The following MYH14 variants were observed in gnomAD, a reference collection of about 807,000 sequenced individuals.
The protein encoded by MYH14 is myosin heavy chain 14.
In MYH14, 123 loss-of-function variants were observed where a neutral mutation model predicts 255.5. The observed-to-expected ratio is 0.48, with a 90% CI of 0.42 to 0.56. The LOEUF (loss-of-function observed/expected upper bound fraction) is 0.56. MYH14 is among the 20% of genes least tolerant of loss of function. The pLI, the probability that MYH14 is intolerant of heterozygous loss-of-function variation, is 0.00. For synonymous variants in MYH14, 1,095 were observed against 1,161.2 expected (o/e 0.94, Z 1.16); for missense variants, 2,423 against 2,802.3 (o/e 0.86, Z 3.06).
In MYH14 at chr19:50,223,107, G is replaced by T; in HGVS notation, c.587G>T (p.Cys196Phe). The change falls in exon 4 of 43, where the codon TGC becomes TTC. Residue 196 changes from cysteine to phenylalanine, a missense_variant. Coordinates refer to ENST00000642316, the MANE Select transcript of MYH14 (RefSeq NM_001145809.2). The part of the protein sequence containing the change: ...LQDREDQSIL[C>F]TGESGAGKTE... ...GATCGTGAGGACCAGTCCATTCTCT[G>T]CACGTGAGTAATCTGGAAGGACTTC... 2 of 1,613,780 alleles carry T rather than the reference G, an allele frequency of 1.2e-6. No individual in the cohort carries two copies. Among genetic ancestry groups the T allele is most frequent in the Non-Finnish European group, 8.5e-7 (1 of 1,179,668 alleles).
At chr19:50,273,599 GGGGTGT>G (rs1555772379) in intron 27 of MYH14, among the ~76,000 whole-genome samples, 27,309 of 82,148 alleles carry the variant, frequency 0.33, 2,575 homozygotes, top group South Asian at 0.38. Flanking sequence ...TGGAACATGG[GGGGTGT>G]GTGTGTGTGT....
At chr19:50,304,624 G>A (rs1391156849) in intron 40 of MYH14, among the ~76,000 whole-genome samples, 1 of 152,128 alleles carries the variant, frequency 6.6e-6, no homozygotes, top group African/African-American at 2.4e-5. Flanking sequence ...ACCTTCCCAT[G>A]TGCTGGTCAC....
In MYH14 at chr19:50,266,600, C is replaced by G. The variant is rs1038365293; in HGVS notation, c.2695-277C>G. Among the ~76,000 whole-genome samples, 3 of 152,094 alleles carry G rather than the reference C, an allele frequency of 2.0e-5. No homozygotes were observed. Among genetic ancestry groups the G allele is most frequent in the Admixed American group, 6.6e-5 (1 of 15,258 alleles). Reference sequence around the variant, plus strand: ...GAGGAAAAAAGGAAGGAAGGAAGGACTGTTCCACAGAATAGCAGCAGCCAC... The same window carrying G: ...GAGGAAAAAAGGAAGGAAGGAAGGAGTGTTCCACAGAATAGCAGCAGCCAC... On this transcript the variant is annotated intron_variant, in intron 22 of 42. Coordinates refer to ENST00000642316, the MANE Select transcript of MYH14 (RefSeq NM_001145809.2). The surrounding 1 kb of genome is among the most constrained non-coding windows in gnomAD (Gnocchi z 4.1).
Position 50,259,228 on chromosome 19 carries a change from T to C in MYH14, c.2317T>C (p.Phe773Leu), listed in dbSNP as rs2034726992. Residue 773 changes from phenylalanine to leucine, a missense_variant, in exon 19 of 43, where the codon TTC becomes CTC. Coordinates refer to ENST00000642316, the MANE Select transcript of MYH14 (RefSeq NM_001145809.2). The stretch of plus-strand genomic sequence containing the variant: ...GGGCATCCGCATCTGTCGCCAGGGC[T>C]TCCCCAACCGCATCCTCTTCCAGGA... ...LEGIRICRQG[F>L]PNRILFQEFR... 1 of 1,589,070 alleles carries C rather than the reference T, an allele frequency of 6.3e-7. No individual in the cohort carries two copies. Among genetic ancestry groups the C allele is most frequent in the South Asian group, 1.1e-5 (1 of 87,544 alleles).
At chr19:50,251,409 A>G (rs966331599) in intron 15 of MYH14, among the ~76,000 whole-genome samples, 1 of 151,680 alleles carries the variant, frequency 6.6e-6, no homozygotes, top group Non-Finnish European at 1.5e-5. Flanking sequence ...TGCCCCCAGA[A>G]GGGCCCCCAT....
In MYH14 at chr19:50,250,714, C is replaced by A; in HGVS notation, c.1830+26C>A. On this transcript the variant is annotated intron_variant, in intron 15 of 42. Transcript: ENST00000642316. The surrounding 1 kb of genome is among the most constrained non-coding windows in gnomAD (Gnocchi z 5.4). Reference sequence around the variant, plus strand: ...GTAGGGGCTGGGGCCGGCCTTGGGGCATGTGGGAGTGGGGATCAAGGGATC... The same window carrying A: ...GTAGGGGCTGGGGCCGGCCTTGGGGAATGTGGGAGTGGGGATCAAGGGATC... 6.3e-7 allele frequency: 1 copy of A among 1,593,566 alleles called. No individual in the cohort carries two copies. The highest frequency in any genetic ancestry group is 1.1e-5 in the South Asian group (1 of 89,012).
chr19:50,281,261 C>T (rs1177948958), intron 32 of MYH14, among the ~76,000 whole-genome samples: 2 of 152,212 alleles, frequency 1.3e-5, no homozygotes, highest in Admixed American at 6.5e-5. Context: ...CTGGGCACTT[C>T]CTGTGGACCT....
rs533909708 is a variant in MYH14, at chr19:50,246,996, G to A, written c.1211-8G>A. 2.8e-5 allele frequency: 44 copies of A among 1,599,282 alleles called. No homozygotes were observed. Among genetic ancestry groups the A allele is most frequent in the Middle Eastern group, 1.7e-4 (1 of 6,038 alleles). Reference sequence around the variant, plus strand: ...TGCTGATGGAATCTTGGTGCCTCTCGCCCTCAGCTGCACAGAAGCTCTGCC... The same window carrying A: ...TGCTGATGGAATCTTGGTGCCTCTCACCCTCAGCTGCACAGAAGCTCTGCC... On this transcript the variant is annotated splice_polypyrimidine_tract_variant and splice_region_variant and intron_variant, in intron 11 of 42. Transcript: ENST00000642316.
At chr19:50,306,341 C>A (rs1236994138) in intron 40 of MYH14, among the ~76,000 whole-genome samples, 2 of 152,164 alleles carry the variant, frequency 1.3e-5, no homozygotes, top group African/African-American at 2.4e-5. Flanking sequence ...CCCACTCGCC[C>A]CCAGCCCTGT....
intron 33 of MYH14, among the ~76,000 whole-genome samples, chr19:50,284,085 CAA>C (rs1289256025): frequency 8.6e-6 from 1 of 116,942 alleles, no homozygotes; most frequent in African/African-American, 3.9e-5. Flanking sequence ...AAAAACAAAA[CAA>C]AAAACAAAAA....
intron 17 of MYH14, among the ~76,000 whole-genome samples, chr19:50,255,550 C>T (rs1346103653): frequency 6.6e-6 from 1 of 152,190 alleles, no homozygotes; most frequent in African/African-American, 2.4e-5. Context: ...ATAGTACCAG[C>T]TCGCGTTTCT....
chr19:50,289,773 C>T (rs1455712973), intron 35 of MYH14, 125 bp downstream of exon 35: 11 of 842,530 alleles, frequency 1.3e-5, no homozygotes, highest in Middle Eastern at 3.6e-4. Flanking sequence ...CTCCACCCGC[C>T]GACCACTCAG....
intron 39 of MYH14, among the ~76,000 whole-genome samples, chr19:50,297,384 G>A (rs1049298166): frequency 6.6e-6 from 1 of 152,016 alleles, no homozygotes; most frequent in Admixed American, 6.6e-5. Flanking sequence ...GCTTCCCGTG[G>A]GTGCTGGCAG....
In MYH14 at chr19:50,259,168, G is replaced by C. The variant is rs367822041; in HGVS notation, c.2257G>C (p.Val753Leu). ...GGCCGGGAAGCTGGAGCCACGGCTG[G>C]TGCTGGACCAGCTTCGCTGCAACGG... ...KRAGKLEPRLVLDQLRCNGVL... is the reference protein window; with the variant it reads ...KRAGKLEPRLLLDQLRCNGVL... The change falls in exon 19 of 43, where the codon GTG (valine) becomes CTG (leucine). Residue 753 changes from valine to leucine, a missense_variant. This residue lies in a region of MYH14 where 672 missense variants were observed against 881.8 expected (regional missense o/e 0.76). Transcript: ENST00000642316. The C allele has an allele frequency of 2.6e-5, 41 of 1,561,694 alleles. No individual in the cohort carries two copies. The highest frequency in any genetic ancestry group is 3.5e-5 in the Non-Finnish European group (40 of 1,152,870).
chr19:50,240,290 C>G (rs2033837639), intron 10 of MYH14, among the ~76,000 whole-genome samples: 1 of 152,166 alleles, frequency 6.6e-6, no homozygotes. Context: ...ATTCATAAAC[C>G]TATGCTACGC....
intron 1 of MYH14, among the ~76,000 whole-genome samples, chr19:50,209,375 T>G (rs1252197262): frequency 6.6e-6 from 1 of 151,702 alleles, no homozygotes; most frequent in Non-Finnish European, 1.5e-5. Context: ...TGGCCAGGAG[T>G]GGTGGCTCAC....
rs1238946816 is a variant in MYH14, at chr19:50,272,574, G to A, written c.3310G>A (p.Glu1104Lys). ...IADMEDRLRK[E>K]EKGRQELEKL... is the part of the protein sequence containing the mutation. ...CCTGCCTCCAGACCGCCTACGGAAG[G>A]AGGAGAAGGGTCGCCAGGAGCTGGA... The change falls in exon 27 of 43, where the codon GAG (glutamate) becomes AAG (lysine). Residue 1104 changes from glutamate to lysine, a missense_variant. Coordinates refer to ENST00000642316, the MANE Select transcript of MYH14 (RefSeq NM_001145809.2). The A allele has an allele frequency of 6.3e-7, 1 of 1,575,404 alleles. No individual in the cohort carries two copies. The highest frequency in any genetic ancestry group is 8.6e-7 in the Non-Finnish European group (1 of 1,161,214).
At chr19:50,239,981 C>T (rs530127914) in intron 10 of MYH14, among the ~76,000 whole-genome samples, 104 of 152,214 alleles carry the variant, frequency 6.8e-4, no homozygotes, top group African/African-American at 2.4e-3. Context: ...ACCCAGGAGC[C>T]CCCCATGTCC....
Position 50,309,635 on chromosome 19 carries a change from C to T in MYH14, c.5961-5C>T, listed in dbSNP as rs1568564251. 1 of 1,608,994 alleles carries T rather than the reference C, an allele frequency of 6.2e-7. No homozygotes were observed. Among genetic ancestry groups the T allele is most frequent in the Non-Finnish European group, 8.5e-7 (1 of 1,177,858 alleles). ...TCTCTGTATCCTGGTCTCTCCTCCC[C>T]ACAGACGCGGCCCCCTCACCTTCAC... On this transcript the variant is annotated splice_region_variant and splice_polypyrimidine_tract_variant and intron_variant, in intron 42 of 42. Coordinates refer to ENST00000642316, the MANE Select transcript of MYH14 (RefSeq NM_001145809.2).
Sources: gnomAD v4.1 joint callset for allele counts (sites outside exome capture counted in the v4.1 genomes callset) on GRCh38, gnomAD v4.1.1 for gene constraint, gnomAD v4.1.1 regional missense constraint, Gnocchi (gnomAD v3.1) non-coding constraint, MANE v1.5 for transcripts, NCBI Gene and HGNC (gene_info 2026-07-23, HGNC 2026-07-21) for gene names.